The following ADARB2 variants were observed in gnomAD, a reference collection of about 807,000 sequenced individuals.
ADARB2 encodes adenosine deaminase RNA specific B2 (inactive).
ADARB2 carries 25 observed loss-of-function variants against 62.2 expected under a neutral mutation model. The observed-to-expected ratio is 0.40, with a 90% CI of 0.29 to 0.56. The LOEUF (loss-of-function observed/expected upper bound fraction) is 0.56, where lower values mean the gene tolerates loss of function less well. Among genes scored for constraint, ADARB2 ranks in the 20% least tolerant of loss-of-function variants. The pLI, the probability that ADARB2 is intolerant of heterozygous loss-of-function variation, is 0.43. For missense variants in ADARB2, 1,071 were observed against 1,077.4 expected (o/e 0.99, Z 0.08); for synonymous variants, 572 against 500.8 (o/e 1.14, Z -1.90).
intron 1 of ADARB2, among the ~76,000 whole-genome samples, chr10:1,734,993 G>A (rs1835283145): frequency 6.6e-6 from 1 of 152,168 alleles, no homozygotes; most frequent in Admixed American, 6.5e-5. Flanking sequence ...CTCTTAGCTG[G>A]TTACTTTACC....
intron 1 of ADARB2, among the ~76,000 whole-genome samples, chr10:1,660,028 G>A (rs942622291): frequency 6.6e-6 from 1 of 151,336 alleles, no homozygotes; most frequent in African/African-American, 2.4e-5. Flanking sequence ...CCGGGGCAGG[G>A]GCTGTCTCCA....
intron 1 of ADARB2, among the ~76,000 whole-genome samples, chr10:1,419,297 T>A (rs916922529): frequency 2.0e-5 from 3 of 152,234 alleles, no homozygotes; most frequent in Admixed American, 2.0e-4. Context: ...GGTTTCACCA[T>A]GTTGATCAGG....
At chr10:1,638,614 T>C (rs549310893) in intron 1 of ADARB2, among the ~76,000 whole-genome samples, 69 of 152,328 alleles carry the variant, frequency 4.5e-4, no homozygotes, top group African/African-American at 1.5e-3. Context: ...TCGTGTGCAT[T>C]ACACAGTTTC....
In ADARB2 at chr10:1,337,062, C is replaced by CTGTGTGTGTGTGTGTG. The variant is rs145511384; in HGVS notation, c.1077+25950_1077+25965dup. Among the ~76,000 whole-genome samples the CTGTGTGTGTGTGTGTG allele has an allele frequency of 1.8e-3, 260 of 142,146 alleles. 1 individual carries two copies. Among genetic ancestry groups the CTGTGTGTGTGTGTGTG allele is most frequent in the African/African-American group, 6.0e-3 (222 of 37,024 alleles). 93.3% of individuals were successfully genotyped at this position (142,146 alleles called of 152,430 possible). A position where few individuals can be genotyped will look rare whatever the true frequency, so the allele number is the denominator to read the frequency against. ...TTTTCCCTTTTTTACTTAAAGATTT[C>CTGTGTGTGTGTGTGTG]TGTGTGTGTGTGTGTGTGTGTGTGT... On this transcript the variant is annotated intron_variant, in intron 3 of 9. Coordinates refer to ENST00000381312, the MANE Select transcript of ADARB2 (RefSeq NM_018702.4).
At chr10:1,706,054 T>C (rs954000608) in intron 1 of ADARB2, among the ~76,000 whole-genome samples, 7 of 152,210 alleles carry the variant, frequency 4.6e-5, no homozygotes, top group African/African-American at 1.7e-4. Context: ...CCATTAGCTG[T>C]GATTAGTGGA....
At chr10:1,698,205 G>A (rs903219726) in intron 1 of ADARB2, among the ~76,000 whole-genome samples, 3 of 152,260 alleles carry the variant, frequency 2.0e-5, no homozygotes, top group Admixed American at 6.5e-5. Context: ...TAAAATTGTA[G>A]GTGTTGCTTT....
intron 7 of ADARB2, among the ~76,000 whole-genome samples, chr10:1,206,956 C>T (rs1029811110): frequency 1.6e-4 from 24 of 152,332 alleles, no homozygotes; most frequent in African/African-American, 5.5e-4. Context: ...AGGGCAGAGC[C>T]GCGAAGGCAG....
At chr10:1,305,385 G>T (rs1007923968) in intron 3 of ADARB2, among the ~76,000 whole-genome samples, 1 of 151,948 alleles carries the variant, frequency 6.6e-6, no homozygotes, top group Non-Finnish European at 1.5e-5. Flanking sequence ...ACCAGTAACA[G>T]GATCTGAAAT....
intron 1 of ADARB2, among the ~76,000 whole-genome samples, chr10:1,677,374 A>C (rs985877860): frequency 6.6e-6 from 1 of 152,178 alleles, no homozygotes; most frequent in Non-Finnish European, 1.5e-5. Flanking sequence ...CCTCCCCTAA[A>C]TGATAGAACA....
At chr10:1,287,087 C>T (rs1831421199) in intron 3 of ADARB2, among the ~76,000 whole-genome samples, 1 of 152,152 alleles carries the variant, frequency 6.6e-6, no homozygotes, top group Non-Finnish European at 1.5e-5. Flanking sequence ...GGTGACCTTT[C>T]CTGTGACTCA....
chr10:1,723,759 T>C (rs1835127627), intron 1 of ADARB2, among the ~76,000 whole-genome samples: 1 of 152,104 alleles, frequency 6.6e-6, no homozygotes, highest in Admixed American at 6.5e-5. Flanking sequence ...ACTACTTACC[T>C]TCTAACCACC....
intron 7 of ADARB2, among the ~76,000 whole-genome samples, chr10:1,205,875 G>A (rs561963103): frequency 2.6e-5 from 4 of 152,156 alleles, no homozygotes; most frequent in Admixed American, 6.6e-5. Context: ...AGCCCGCTGC[G>A]GCCAGGTGGG....
At chr10:1,464,283 G>A (rs1197247821) in intron 1 of ADARB2, among the ~76,000 whole-genome samples, 2 of 130,304 alleles carry the variant, frequency 1.5e-5, no homozygotes, top group African/African-American at 5.7e-5. Context: ...CCCCACACAC[G>A]CGCTGGGGAC....
Position 1,426,360 on chromosome 10 carries a change from G to A in ADARB2, c.101-47200C>T, listed in dbSNP as rs1255674732. On this transcript the variant is annotated intron_variant, in intron 1 of 9. Coordinates refer to ENST00000381312, the MANE Select transcript of ADARB2 (RefSeq NM_018702.4). The surrounding 1 kb of genome is among the most constrained non-coding windows in gnomAD (Gnocchi z 4.1). ...AGAACTGCCTTATTCCTGGGCACTGGCCTTTTTAAATCCTTTCTTTTTCTC... is the reference window on the plus strand; with the variant it reads ...AGAACTGCCTTATTCCTGGGCACTGACCTTTTTAAATCCTTTCTTTTTCTC... Among the ~76,000 whole-genome samples the A allele has an allele frequency of 6.6e-6, 1 of 152,112 alleles. No homozygotes were observed.
At chr10:1,305,489 A>C (rs1350131811) in intron 3 of ADARB2, among the ~76,000 whole-genome samples, 2 of 152,010 alleles carry the variant, frequency 1.3e-5, no homozygotes, top group East Asian at 3.9e-4. Flanking sequence ...AGGAACTGGT[A>C]CCATTCCTTC....
At chr10:1,571,438 T>C (rs1832932054) in intron 1 of ADARB2, among the ~76,000 whole-genome samples, 1 of 152,218 alleles carries the variant, frequency 6.6e-6, no homozygotes, top group South Asian at 2.1e-4. Context: ...GTAAAACAGA[T>C]AAATGGTGTG....
chr10:1,508,181 C>T (rs112218166), intron 1 of ADARB2, among the ~76,000 whole-genome samples: 2 of 152,170 alleles, frequency 1.3e-5, no homozygotes, highest in Non-Finnish European at 2.9e-5. Flanking sequence ...GAATAGGATG[C>T]GTTTGAGGGC....
chr10:1,446,993 T>C (rs1489436760), intron 1 of ADARB2, among the ~76,000 whole-genome samples: 1 of 152,236 alleles, frequency 6.6e-6, no homozygotes, highest in African/African-American at 2.4e-5. Flanking sequence ...TTAGGAAATA[T>C]TTGAAAATTG....
chr10:1,275,445 A>G (rs945699431), intron 3 of ADARB2, among the ~76,000 whole-genome samples: 6 of 152,208 alleles, frequency 3.9e-5, no homozygotes, highest in African/African-American at 1.4e-4. Context: ...CCTCAAGGGC[A>G]GGGCACTTCC....
Sources: allele counts gnomAD v4.1 joint callset (sites outside exome capture counted in the v4.1 genomes callset), GRCh38; gene constraint gnomAD v4.1.1; non-coding constraint Gnocchi (gnomAD v3.1); transcripts MANE v1.5; gene names NCBI Gene and HGNC (gene_info 2026-07-23, HGNC 2026-07-21).